Variants in BMP7 observed in about 807,000 individuals in gnomAD.
BMP7 encodes osteogenic protein 1.
BMP7 carries 12 observed loss-of-function variants against 41.2 expected under a neutral mutation model. The ratio of observed to expected loss-of-function variants is 0.29; its 90% CI spans 0.19 to 0.47. The LOEUF (loss-of-function observed/expected upper bound fraction) is 0.47. Ranked by LOEUF, BMP7 falls within the 20% of genes least tolerant of loss-of-function variation. BMP7 has a pLI of 0.99. For missense variants in BMP7, 467 were observed against 606.0 expected (o/e 0.77, Z 2.41); for synonymous variants, 248 against 250.0 (o/e 0.99, Z 0.07).
intron 1 of BMP7, among the ~76,000 whole-genome samples, chr20:57,246,683 T>C (rs1253300757): frequency 2.0e-5 from 3 of 152,178 alleles, no homozygotes; most frequent in Non-Finnish European, 2.9e-5. Flanking sequence ...AAATTAAATA[T>C]GTTAATATTA....
intron 1 of BMP7, among the ~76,000 whole-genome samples, chr20:57,265,063 A>AAAG (rs1418207561): frequency 2.1e-5 from 3 of 145,472 alleles, no homozygotes; most frequent in African/African-American, 8.4e-5. Flanking sequence ...AAAAGAAAAA[A>AAAG]AAAGAAAAAA....
intron 1 of BMP7, among the ~76,000 whole-genome samples, chr20:57,232,320 A>G (rs950323397): frequency 1.3e-5 from 2 of 152,242 alleles, no homozygotes; most frequent in African/African-American, 4.8e-5. Flanking sequence ...CCATTGTTAC[A>G]GGGCCTCTAA....
chr20:57,193,045 C>T (rs897204999), intron 3 of BMP7, among the ~76,000 whole-genome samples: 2 of 152,120 alleles, frequency 1.3e-5, no homozygotes, highest in Admixed American at 1.3e-4. Flanking sequence ...CATGGCTTTG[C>T]TGGTTTCTTC....
intron 3 of BMP7, among the ~76,000 whole-genome samples, chr20:57,194,887 A>G (rs999521908): frequency 5.9e-5 from 9 of 152,228 alleles, no homozygotes; most frequent in African/African-American, 2.2e-4. Context: ...ACCATCTGCC[A>G]ATGAGTCCAG....
chr20:57,182,623 A>G (rs1984111312), intron 4 of BMP7, among the ~76,000 whole-genome samples: 1 of 152,228 alleles, frequency 6.6e-6, no homozygotes, highest in Non-Finnish European at 1.5e-5. Context: ...CAGGGCTGCC[A>G]GTTACCTACA....
At position 57,183,886 on chromosome 20, in the gene BMP7, A is replaced by G. The variant is rs1425293454; in HGVS notation, c.794T>C (p.Ile265Thr). 1 of 1,613,990 alleles carries G rather than the reference A, an allele frequency of 6.2e-7. No individual in the cohort carries two copies. The highest frequency in any genetic ancestry group is 1.7e-5 in the Admixed American group (1 of 60,006). The change falls in exon 4 of 7, where the codon ATT (isoleucine) becomes ACT (threonine). Residue 265 changes from isoleucine to threonine, a missense_variant. Physicochemically the swap from Ile to Thr is moderately conservative, Grantham distance 89 (BLOSUM62 -1). Coordinates refer to ENST00000395863, the MANE Select transcript of BMP7 (RefSeq NM_001719.3). ...QSINPKLAGL[I>T]GRHGPQNKQP... is the part of the protein sequence containing the mutation. Reference sequence around the variant, plus strand: ...CTTGTTCTGGGGCCCGTGCCGCCCAATCAGGCCCGCCAACTTGGGGTTGAT... The same window carrying G: ...CTTGTTCTGGGGCCCGTGCCGCCCAGTCAGGCCCGCCAACTTGGGGTTGAT...
Position 57,174,919 on chromosome 20 carries a change from C to A in BMP7, c.1035+12G>T, listed in dbSNP as rs1321581000. The A allele has an allele frequency of 2.5e-6, 4 of 1,608,830 alleles. No individual in the cohort carries two copies. In the Admixed American group the frequency reaches 6.7e-5, roughly 27 times the overall value. On this transcript the variant is annotated intron_variant, in intron 5 of 6. Coordinates refer to ENST00000395863, the MANE Select transcript of BMP7 (RefSeq NM_001719.3). This position sits in a 1 kb window ranked among gnomAD's most constrained non-coding sequence, Gnocchi z 4.3. ...GGGCCCACACCCAAGACAGACCCAG[C>A]CAGCCCCTTACCTGCCAGCCCAGGT...
intron 1 of BMP7, among the ~76,000 whole-genome samples, chr20:57,231,074 G>C (rs1198620464): frequency 3.3e-5 from 5 of 152,202 alleles, no homozygotes; most frequent in Non-Finnish European, 7.3e-5. Context: ...TCAAGAGACA[G>C]AACATTACCA....
intron 2 of BMP7, among the ~76,000 whole-genome samples, chr20:57,204,199 A>C (rs966965293): frequency 5.3e-5 from 8 of 152,120 alleles, no homozygotes; most frequent in African/African-American, 1.4e-4. Context: ...TAACCCACTA[A>C]GCCACGGGCA....
chr20:57,222,090 C>T (rs567304016), intron 2 of BMP7, among the ~76,000 whole-genome samples: 27 of 152,252 alleles, frequency 1.8e-4, no homozygotes, highest in African/African-American at 6.0e-4. Flanking sequence ...CTGACCACCT[C>T]GTGGGGACAC....
rs2066155296 is a variant in BMP7 at position 57,261,787 on chromosome 20, T to C, written c.418+3918A>G. 6.6e-6 allele frequency among the ~76,000 whole-genome samples: 1 copy of C among 152,224 alleles called. No individual in the cohort carries two copies. Among genetic ancestry groups the C allele is most frequent in the Admixed American group, 6.5e-5 (1 of 15,282 alleles). ...AATGCCTGCAGTCCACGCTCCCCTT[T>C]GCGAAGCACTCCCTGAAGGAAATTT... On this transcript the variant is annotated intron_variant, in intron 1 of 6. Transcript: ENST00000395863. This position sits in a 1 kb window ranked among gnomAD's most constrained non-coding sequence, Gnocchi z 4.1.
At chr20:57,226,484 T>A (rs901669275) in intron 2 of BMP7, among the ~76,000 whole-genome samples, 1 of 152,168 alleles carries the variant, frequency 6.6e-6, no homozygotes, top group African/African-American at 2.4e-5. Flanking sequence ...TGCGGCACCA[T>A]CCATCATAGA....
chr20:57,261,777 C>T lies in BMP7; in HGVS notation c.418+3928G>A, dbSNP rs1284668961. 2.0e-5 allele frequency among the ~76,000 whole-genome samples: 3 copies of T among 152,228 alleles called. No individual in the cohort carries two copies. The highest frequency in any genetic ancestry group is 2.9e-5 in the Non-Finnish European group (2 of 68,046). ...TACAGCTGCAAATGCCTGCAGTCCA[C>T]GCTCCCCTTTGCGAAGCACTCCCTG... On this transcript the variant is annotated intron_variant, in intron 1 of 6. Transcript: ENST00000395863. This position sits in a 1 kb window ranked among gnomAD's most constrained non-coding sequence, Gnocchi z 4.1.
At chr20:57,197,116 G>T (rs1984510705) in intron 3 of BMP7, among the ~76,000 whole-genome samples, 1 of 152,038 alleles carries the variant, frequency 6.6e-6, no homozygotes, top group South Asian at 2.1e-4. Flanking sequence ...TGCCCAGGCT[G>T]GTCTCAAACT....
In BMP7 at chr20:57,183,888, C is replaced by G; in HGVS notation, c.792G>C (p.Leu264=). 6.2e-7 allele frequency: 1 copy of G among 1,614,098 alleles called. No individual in the cohort carries two copies. The highest frequency in any genetic ancestry group is 2.2e-5 in the East Asian group (1 of 44,886). The part of the protein sequence containing the change: ...GQSINPKLAG[L]IGRHGPQNKQ... ...TGTTCTGGGGCCCGTGCCGCCCAAT[C>G]AGGCCCGCCAACTTGGGGTTGATGC... Residue 264 remains leucine (L), a synonymous_variant, in exon 4 of 7, where the codon CTG becomes CTC. Transcript: ENST00000395863.
At chr20:57,254,067 G>GAA (rs2066124653) in intron 1 of BMP7, among the ~76,000 whole-genome samples, 1 of 124,056 alleles carries the variant, frequency 8.1e-6, no homozygotes, top group African/African-American at 3.1e-5. Context: ...CTGTCACCCA[G>GAA]GCTGGAGTGC....
intron 3 of BMP7, among the ~76,000 whole-genome samples, chr20:57,186,521 G>T (rs1984214883): frequency 6.6e-6 from 1 of 152,190 alleles, no homozygotes; most frequent in Non-Finnish European, 1.5e-5. Context: ...TTTTACTCAT[G>T]ACAGCACAAG....
At chr20:57,191,872 T>C (rs1486668078) in intron 3 of BMP7, among the ~76,000 whole-genome samples, 1 of 136,042 alleles carries the variant, frequency 7.4e-6, no homozygotes, top group Non-Finnish European at 1.5e-5. Flanking sequence ...ACATATACTA[T>C]ATATTATATA....
Position 57,266,023 on chromosome 20 carries a change from C to G in BMP7, c.100G>C (p.Asp34His). 6.5e-7 allele frequency: 1 copy of G among 1,548,030 alleles called. No homozygotes were observed. Among genetic ancestry groups the G allele is most frequent in the Non-Finnish European group, 8.7e-7 (1 of 1,146,926 alleles). The part of the protein sequence containing the change: ...LRSALADFSL[D>H]NEVHSSFIHR... The stretch of plus-strand genomic sequence containing the variant: ...ATGAAGCTCGAGTGCACCTCGTTGT[C>G]CAGGCTGAAGTCGGCCAGGGCGGAG... The change falls in exon 1 of 7, where the codon GAC becomes CAC. Residue 34 changes from aspartate (D) to histidine (H), a missense_variant. Physicochemically the swap from Asp to His is moderately conservative, Grantham distance 81. Coordinates refer to ENST00000395863, the MANE Select transcript of BMP7 (RefSeq NM_001719.3).
Sources: allele counts gnomAD v4.1 joint callset (sites outside exome capture counted in the v4.1 genomes callset), GRCh38; gene constraint gnomAD v4.1.1; non-coding constraint Gnocchi (gnomAD v3.1); transcripts MANE v1.5; gene names NCBI Gene and HGNC (gene_info 2026-07-23, HGNC 2026-07-21).